The following TRPM3 variants were observed in gnomAD, a reference collection of about 807,000 sequenced individuals.
TRPM3 encodes the protein long transient receptor potential channel 3.
A neutral mutation model predicts 181.2 loss-of-function variants in TRPM3; 77 were observed. That is an observed-to-expected ratio of 0.42 (90% CI 0.35 to 0.51). The LOEUF is 0.51. Among genes scored for constraint, TRPM3 ranks in the 20% least tolerant of loss-of-function variants. The pLI is 0.01. For synonymous variants in TRPM3, 745 were observed against 796.4 expected (o/e 0.94, Z 1.09); for missense variants, 1,759 against 2,196.7 (o/e 0.80, Z 3.98).
At chr9:70,923,853 CACACAT>C (rs1340869947) in intron 1 of TRPM3, among the ~76,000 whole-genome samples, 1 of 143,168 alleles carries the variant, frequency 7.0e-6, no homozygotes, top group Non-Finnish European at 1.5e-5. Flanking sequence ...TACACACACA[CACACAT>C]ATATATATAT....
In TRPM3 at chr9:71,235,916, A is replaced by G. The variant is rs181986738; in HGVS notation, c.183+210737T>C. On this transcript the variant is annotated intron_variant, in intron 1 of 24. Coordinates refer to the TRPM3 transcript ENST00000357533. ...ATTCTTTATTCTCATGAGATACTAC[A>G]TATGCCTAGGATCGAGCTTACAAAA... Among the ~76,000 whole-genome samples the G allele has an allele frequency of 1.4e-4, 22 of 152,312 alleles. No homozygotes were observed. In the East Asian group the frequency reaches 4.2e-3, roughly 29 times the overall value.
At chr9:71,363,282 C>T (rs1177212074) in intron 1 of TRPM3, among the ~76,000 whole-genome samples, 1 of 152,184 alleles carries the variant, frequency 6.6e-6, no homozygotes, top group Non-Finnish European at 1.5e-5. Context: ...TACAGAATTG[C>T]TAGTCTTAAG....
intron 21 of TRPM3, among the ~76,000 whole-genome samples, chr9:70,593,902 C>T (rs1310028039): frequency 6.9e-6 from 1 of 145,568 alleles, no homozygotes; most frequent in Non-Finnish European, 1.5e-5. Context: ...ATATAATATG[C>T]ATTGTATAAT....
At chr9:71,294,720 C>G (rs2086110753) in intron 1 of TRPM3, among the ~76,000 whole-genome samples, 1 of 152,008 alleles carries the variant, frequency 6.6e-6, no homozygotes. Flanking sequence ...AGCAAAAAAC[C>G]CTAAGCTCAG....
chr9:71,138,734 T>C (rs561431300), intron 1 of TRPM3, among the ~76,000 whole-genome samples: 6 of 152,334 alleles, frequency 3.9e-5, no homozygotes, highest in Non-Finnish European at 8.8e-5. Context: ...CAACTATTTA[T>C]TAAACAGAAA....
At chr9:71,053,332 C>G (rs1299985030) in intron 1 of TRPM3, among the ~76,000 whole-genome samples, 2 of 152,064 alleles carry the variant, frequency 1.3e-5, no homozygotes, top group Non-Finnish European at 2.9e-5. Context: ...TCTAGTTTCC[C>G]AGCACCTTCT....
chr9:71,023,556 T>G (rs1354000700), intron 1 of TRPM3, among the ~76,000 whole-genome samples: 1 of 152,096 alleles, frequency 6.6e-6, no homozygotes, highest in African/African-American at 2.4e-5. Flanking sequence ...ACTTTATTCA[T>G]AAGAGCCCCA....
At chr9:70,815,790 A>G (rs1173187363) in intron 6 of TRPM3, among the ~76,000 whole-genome samples, 1 of 152,192 alleles carries the variant, frequency 6.6e-6, no homozygotes, top group Non-Finnish European at 1.5e-5. Context: ...ATTTTCTAAT[A>G]GGGTTTTTTA....
chr9:70,918,285 C>T (rs1240540988), intron 1 of TRPM3, among the ~76,000 whole-genome samples: 1 of 152,102 alleles, frequency 6.6e-6, no homozygotes, highest in Non-Finnish European at 1.5e-5. Flanking sequence ...CTAATAGATA[C>T]TTACAGAACA....
chr9:70,926,905 G>T (rs2096726575), intron 1 of TRPM3, among the ~76,000 whole-genome samples: 1 of 152,142 alleles, frequency 6.6e-6, no homozygotes, highest in Admixed American at 6.5e-5. Context: ...TCCAATCAGA[G>T]GAGGCCTGTG....
At chr9:70,560,385 C>T (rs1426010771) in intron 22 of TRPM3, among the ~76,000 whole-genome samples, 1 of 152,254 alleles carries the variant, frequency 6.6e-6, no homozygotes, top group African/African-American at 2.4e-5. Flanking sequence ...CTCTACCTCA[C>T]ATGGCCTTGC....
intron 9 of TRPM3, among the ~76,000 whole-genome samples, chr9:70,678,958 C>T (rs2064743048): frequency 1.3e-5 from 2 of 152,338 alleles, no homozygotes; most frequent in South Asian, 4.1e-4. Flanking sequence ...ATAGAGTTGA[C>T]ACATCATAAT....
intron 1 of TRPM3, among the ~76,000 whole-genome samples, chr9:71,007,105 A>AG (rs1166829688): frequency 1.3e-5 from 2 of 149,924 alleles, no homozygotes; most frequent in African/African-American, 4.9e-5. Flanking sequence ...AAAAAAAAAA[A>AG]AGAAAAAGAA....
At position 71,428,948 on chromosome 9, in the gene TRPM3, G is replaced by GA. The variant is rs34737844; in HGVS notation, c.183+17704dup. Among the ~76,000 whole-genome samples, 141 of 121,970 alleles carry GA rather than the reference G, an allele frequency of 1.2e-3. 1 individual carries two copies. The highest frequency in any genetic ancestry group is 4.0e-3 in the African/African-American group (126 of 31,684). 80.0% of individuals were successfully genotyped at this position (121,970 alleles called of 152,430 possible). A position where few individuals can be genotyped will look rare whatever the true frequency, so the allele number is the denominator to read the frequency against. On this transcript the variant is annotated intron_variant, in intron 1 of 24. Coordinates refer to the TRPM3 transcript ENST00000357533. ...AACAAAGTGGGACCCTGTTTCAAAG[G>GA]AAAAAAAAAAAAAAAAAAAGGAAAC... is the stretch of plus-strand genomic sequence containing the variant.
At chr9:71,258,581 C>T (rs1160393842) in intron 1 of TRPM3, among the ~76,000 whole-genome samples, 1 of 152,084 alleles carries the variant, frequency 6.6e-6, no homozygotes, top group African/African-American at 2.4e-5. Context: ...TGAATTTCTA[C>T]CCCGTAAAGT....
rs188373587 is a variant in TRPM3, at chr9:71,005,844, T to C, written c.177+115334A>G. Among the ~76,000 whole-genome samples, 470 of 152,288 alleles carry C rather than the reference T, an allele frequency of 3.1e-3. 1 individual carries two copies. Among genetic ancestry groups the C allele is most frequent in the South Asian group, 8.7e-3 (42 of 4,826 alleles). ...AAACATCTGAAGGAATACAACTCAC[T>C]GGTAAAAGTAAGAATACAGACAAAT... On this transcript the variant is annotated intron_variant, in intron 1 of 25. Coordinates refer to ENST00000677713, the MANE Select transcript of TRPM3 (RefSeq NM_001366145.2).
intron 1 of TRPM3, among the ~76,000 whole-genome samples, chr9:71,220,608 C>A (rs904772168): frequency 6.6e-6 from 1 of 152,138 alleles, no homozygotes; most frequent in Non-Finnish European, 1.5e-5. Context: ...AAATCTTCGT[C>A]TCAGATAGAC....
intron 1 of TRPM3, among the ~76,000 whole-genome samples, chr9:71,099,720 G>T (rs1157009645): frequency 1.3e-5 from 2 of 152,164 alleles, no homozygotes; most frequent in African/African-American, 4.8e-5. Flanking sequence ...CTATACTTGT[G>T]TTATAATGCT....
At chr9:71,074,223 A>G (rs1224893383) in intron 1 of TRPM3, among the ~76,000 whole-genome samples, 1 of 152,228 alleles carries the variant, frequency 6.6e-6, no homozygotes, top group Non-Finnish European at 1.5e-5. Flanking sequence ...TTTTCCGTGC[A>G]TAAGGCAAGC....
Sources: allele counts gnomAD v4.1 joint callset (sites outside exome capture counted in the v4.1 genomes callset), GRCh38; gene constraint gnomAD v4.1.1; transcripts MANE v1.5; gene names NCBI Gene and HGNC (gene_info 2026-07-23, HGNC 2026-07-21).